The following AGBL4 variants were observed in gnomAD, a reference collection of about 807,000 sequenced individuals.
AGBL4 encodes AGBL carboxypeptidase 4.
A neutral mutation model predicts 66.4 loss-of-function variants in AGBL4; 58 were observed. The observed-to-expected ratio is 0.87, with a 90% CI of 0.71 to 1.09. The LOEUF (loss-of-function observed/expected upper bound fraction) is 1.09. Ranked by LOEUF, AGBL4 falls within the 50% of genes least tolerant of loss-of-function variation. The pLI, the probability that AGBL4 is intolerant of heterozygous loss-of-function variation, is 0.00. For missense variants in AGBL4, 579 were observed against 631.0 expected, an observed-to-expected ratio of 0.92 and a Z score of 0.88; for synonymous variants, 234 against 222.9, an observed-to-expected ratio of 1.05 and a Z score of -0.44.
At chr1:49,889,854 T>C (rs890080387) in intron 1 of AGBL4, among the ~76,000 whole-genome samples, 37 of 152,208 alleles carry the variant, frequency 2.4e-4, no homozygotes, top group Admixed American at 2.4e-3. Flanking sequence ...CCGAACAAAG[T>C]GTCTTAAATA....
chr1:49,082,264 T>G (rs1232261306), intron 4 of AGBL4, among the ~76,000 whole-genome samples: 1 of 152,178 alleles, frequency 6.6e-6, no homozygotes, highest in Non-Finnish European at 1.5e-5. Flanking sequence ...AGGCAAGCCC[T>G]TAGTCTCAGG....
At chr1:48,601,274 T>A (rs1218704273) in intron 9 of AGBL4, among the ~76,000 whole-genome samples, 2 of 152,210 alleles carry the variant, frequency 1.3e-5, no homozygotes, top group East Asian at 3.9e-4. Flanking sequence ...AATTTGAAGA[T>A]AACAATCACA....
chr1:49,037,469 A>T (rs1571292193), intron 5 of AGBL4, among the ~76,000 whole-genome samples: 1 of 152,188 alleles, frequency 6.6e-6, no homozygotes, highest in East Asian at 1.9e-4. Context: ...AAATTCTTTA[A>T]TTCGGCATTC....
intron 9 of AGBL4, among the ~76,000 whole-genome samples, chr1:48,602,856 T>TC (rs1372431893): frequency 6.6e-6 from 1 of 152,086 alleles, no homozygotes; most frequent in East Asian, 1.9e-4. Flanking sequence ...CTTCTTCTGT[T>TC]CCCCCTTTCC....
rs765461477 is a variant in AGBL4 at position 49,851,568 on chromosome 1, T to C, written c.35-50A>G. On this transcript the variant is annotated intron_variant, in intron 1 of 13. Transcript: ENST00000371839. Reference sequence around the variant, plus strand: ...GTCAAAGTATATTCGGCAATTGAAGTCTAGTCAGATTTTTACTGTTAATTA... The same window carrying C: ...GTCAAAGTATATTCGGCAATTGAAGCCTAGTCAGATTTTTACTGTTAATTA... 2.6e-6 allele frequency: 4 copies of C among 1,531,990 alleles called. No homozygotes were observed. In the South Asian group the frequency reaches 4.9e-5, roughly 19 times the overall value. 94.9% of individuals were successfully genotyped at this position (1,531,990 alleles called of 1,614,324 possible). A position where few individuals can be genotyped will look rare whatever the true frequency, so the allele number is the denominator to read the frequency against.
chr1:49,493,806 T>C (rs926981854), intron 3 of AGBL4, among the ~76,000 whole-genome samples: 46 of 152,074 alleles, frequency 3.0e-4, no homozygotes, highest in Non-Finnish European at 1.3e-4. Flanking sequence ...TTTTTTAAAA[T>C]TAAATAAATT....
intron 5 of AGBL4, among the ~76,000 whole-genome samples, chr1:48,933,498 G>A (rs1435042001): frequency 1.3e-5 from 2 of 152,046 alleles, no homozygotes; most frequent in Non-Finnish European, 2.9e-5. Context: ...GATGGCTTGT[G>A]GAAACACATG....
chr1:49,533,731 A>G (rs1651331140), intron 3 of AGBL4, among the ~76,000 whole-genome samples: 1 of 152,118 alleles, frequency 6.6e-6, no homozygotes, highest in South Asian at 2.1e-4. Context: ...CTAGGATCCT[A>G]TATGATTCTT....
At chr1:48,793,307 C>G (rs1014327460) in intron 6 of AGBL4, among the ~76,000 whole-genome samples, 13 of 152,178 alleles carry the variant, frequency 8.5e-5, no homozygotes, top group Non-Finnish European at 1.2e-4. Context: ...CACAAACTCC[C>G]CCAGCCTCAG....
chr1:49,201,388 T>C (rs1308367886), intron 4 of AGBL4, among the ~76,000 whole-genome samples: 1 of 152,134 alleles, frequency 6.6e-6, no homozygotes, highest in Admixed American at 6.6e-5. Context: ...CCTTAGTGAG[T>C]TGCTCAAGGT....
At chr1:49,222,128 T>TA (rs755194853) in intron 4 of AGBL4, among the ~76,000 whole-genome samples, 14 of 152,192 alleles carry the variant, frequency 9.2e-5, no homozygotes, top group Non-Finnish European at 1.8e-4. Context: ...ATGGCCTTTC[T>TA]ATCTGTCTAT....
intron 3 of AGBL4, among the ~76,000 whole-genome samples, chr1:49,609,618 A>T (rs1645118705): frequency 6.6e-6 from 1 of 152,118 alleles, no homozygotes; most frequent in African/African-American, 2.4e-5. Context: ...CTTTTATTTT[A>T]GTTTCAGGGG....
intron 3 of AGBL4, among the ~76,000 whole-genome samples, chr1:49,396,737 A>G (rs1367351982): frequency 6.6e-6 from 1 of 152,164 alleles, no homozygotes; most frequent in African/African-American, 2.4e-5. Flanking sequence ...ACTCCTCTTC[A>G]CTGTTGGCAA....
At chr1:49,678,335 G>A (rs1456055996) in intron 3 of AGBL4, among the ~76,000 whole-genome samples, 1 of 151,918 alleles carries the variant, frequency 6.6e-6, no homozygotes, top group African/African-American at 2.4e-5. Context: ...TATTAATAAT[G>A]TGTGTCTTTT....
At chr1:48,591,076 A>C (rs1307274939) in intron 9 of AGBL4, 91 bp from the exon 10 acceptor site, 117 of 906,806 alleles carry the variant, frequency 1.3e-4, no homozygotes, top group African/African-American at 4.4e-4. Context: ...CACACCCCCC[A>C]CACACACCCA....
chr1:49,511,028 G>C (rs183499498), intron 3 of AGBL4, among the ~76,000 whole-genome samples: 50 of 151,972 alleles, frequency 3.3e-4, no homozygotes, highest in Admixed American at 3.1e-3. Context: ...GATGCCTCCA[G>C]CTTTGTTCTT....
chr1:49,645,256 C>T (rs554150107), intron 3 of AGBL4, among the ~76,000 whole-genome samples: 16 of 151,324 alleles, frequency 1.1e-4, no homozygotes, highest in Admixed American at 7.9e-4. Flanking sequence ...TAGAAAACAG[C>T]AAAAGTAATA....
intron 4 of AGBL4, among the ~76,000 whole-genome samples, chr1:49,139,972 C>T (rs1646087349): frequency 6.6e-6 from 1 of 152,042 alleles, no homozygotes; most frequent in South Asian, 2.1e-4. Flanking sequence ...CCACATACTA[C>T]CAGGTCCACA....
intron 4 of AGBL4, among the ~76,000 whole-genome samples, chr1:49,105,999 A>G (rs937612921): frequency 1.8e-4 from 27 of 152,198 alleles, no homozygotes; most frequent in Middle Eastern, 3.2e-3. Flanking sequence ...AGCTAATATC[A>G]TTTCTTAAGT....
Sources: gnomAD v4.1 joint callset for allele counts (sites outside exome capture counted in the v4.1 genomes callset) on GRCh38, gnomAD v4.1.1 for gene constraint, MANE v1.5 for transcripts, NCBI Gene and HGNC (gene_info 2026-07-23, HGNC 2026-07-21) for gene names.